The following ABI3BP variants were observed in gnomAD, a reference collection of about 807,000 sequenced individuals.
The protein encoded by ABI3BP is ABI family member 3 binding protein, also known as target of Nesh-SH3.
Under a neutral mutation model 268.6 loss-of-function variants are expected in ABI3BP, and 216 were observed. The ratio of observed to expected loss-of-function variants is 0.80; its 90% confidence interval spans 0.72 to 0.90. ABI3BP has a LOEUF of 0.90. Among genes scored for constraint, ABI3BP ranks in the 40% least tolerant of loss-of-function variants. The pLI is 0.00. For missense variants in ABI3BP, 2,090 were observed against 2,182.4 expected (o/e 0.96, Z 0.84); for synonymous variants, 730 against 730.0 (o/e 1.00, Z 0.00).
chr3:100,902,540 C>A, intron 3 of ABI3BP, 78 bp downstream of exon 3: 1 of 1,373,632 alleles, frequency 7.3e-7, no homozygotes, highest in South Asian at 1.3e-5. Context: ...GGCATTTGGT[C>A]TCCAGGGGTC....
chr3:100,812,143 G>A (rs901192204), intron 46 of ABI3BP, among the ~76,000 whole-genome samples: 1 of 151,998 alleles, frequency 6.6e-6, no homozygotes, highest in African/African-American at 2.4e-5. Context: ...AGTACTTGGA[G>A]AGCAAAAGCA....
At chr3:100,890,104 C>G (rs986669138) in intron 4 of ABI3BP, among the ~76,000 whole-genome samples, 1 of 152,074 alleles carries the variant, frequency 6.6e-6, no homozygotes, top group African/African-American at 2.4e-5. Context: ...AATTGAACAC[C>G]AAACTAAGCT....
intron 57 of ABI3BP, among the ~76,000 whole-genome samples, chr3:100,783,870 T>C (rs2096943844): frequency 6.6e-6 from 1 of 152,220 alleles, no homozygotes; most frequent in Non-Finnish European, 1.5e-5. Context: ...GCACAATCCC[T>C]TGGCCTGGTG....
chr3:100,952,761 A>C (rs1172289767), intron 1 of ABI3BP: 1 of 152,116 alleles, frequency 6.6e-6, no homozygotes, highest in Non-Finnish European at 1.5e-5. Flanking sequence ...ATTGTAAATA[A>C]GACACATTAA....
chr3:100,856,806 G>A (rs1009498131), intron 14 of ABI3BP, among the ~76,000 whole-genome samples: 5 of 152,078 alleles, frequency 3.3e-5, no homozygotes, highest in East Asian at 1.9e-4. Context: ...TTTAGAAGTC[G>A]TGCACACACC....
chr3:100,875,993 G>C (rs2099157882), intron 7 of ABI3BP, among the ~76,000 whole-genome samples: 1 of 152,114 alleles, frequency 6.6e-6, no homozygotes, highest in Non-Finnish European at 1.5e-5. Context: ...ATACACTTGG[G>C]ATGTTGTGTT....
chr3:100,893,743 T>G lies in ABI3BP; in HGVS notation c.461+5019A>C, dbSNP rs546915535. 5.3e-5 allele frequency among the ~76,000 whole-genome samples: 8 copies of G among 152,268 alleles called. No homozygotes were observed. The South Asian group carries it at 1.5e-3, about 28-fold the overall frequency. On this transcript the variant is annotated intron_variant, in intron 4 of 67. Transcript: ENST00000471714. Reference sequence around the variant, plus strand: ...TACATAACAGGATCAACAGAAGGCTTTGTTTTCAGGGAGAGAAACTTTGAG... The same window carrying G: ...TACATAACAGGATCAACAGAAGGCTGTGTTTTCAGGGAGAGAAACTTTGAG...
intron 1 of ABI3BP, among the ~76,000 whole-genome samples, chr3:100,968,720 G>A (rs1271198158): frequency 6.6e-6 from 1 of 151,946 alleles, no homozygotes; most frequent in Non-Finnish European, 1.5e-5. Context: ...TTTAAGTTCT[G>A]GGATATGTGC....
At position 100,842,059 on chromosome 3, in the gene ABI3BP, T is replaced by C. The variant is rs2098712907; in HGVS notation, c.1724-20A>G. On this transcript the variant is annotated intron_variant, in intron 20 of 67. Transcript: ENST00000471714. ...CTGGGGCTGTAATAAAAGCAAGTAA[T>C]ATCAAAAGCAATGCTGAAGAGCACC... 5 of 1,528,860 alleles carry C rather than the reference T, an allele frequency of 3.3e-6. No homozygotes were observed. The South Asian group carries it at 6.0e-5, about 18-fold the overall frequency. 94.7% of individuals were successfully genotyped at this position (1,528,860 alleles called of 1,614,324 possible). A position where few individuals can be genotyped will look rare whatever the true frequency, so the allele number is the denominator to read the frequency against.
At chr3:100,820,884 G>A (rs1472492723) in intron 39 of ABI3BP, among the ~76,000 whole-genome samples, 170 bp downstream of exon 39, 3 of 152,122 alleles carry the variant, frequency 2.0e-5, no homozygotes, top group South Asian at 4.1e-4. Flanking sequence ...AAAACAAAGG[G>A]TGATTTAAGA....
chr3:100,975,392 A>G (rs760596803), intron 1 of ABI3BP, among the ~76,000 whole-genome samples: 1 of 152,126 alleles, frequency 6.6e-6, no homozygotes. Context: ...CCCAGCTGTG[A>G]TCTAGCTGCC....
intron 61 of ABI3BP, among the ~76,000 whole-genome samples, chr3:100,774,324 T>C (rs929680170): frequency 6.6e-6 from 1 of 152,140 alleles, no homozygotes; most frequent in Non-Finnish European, 1.5e-5. Context: ...TGGGTCACTG[T>C]TGGTTGTTCA....
chr3:100,796,527 T>A, intron 51 of ABI3BP, 59 bp from the exon 52 acceptor site: 1 of 1,281,194 alleles, frequency 7.8e-7, no homozygotes, highest in Non-Finnish European at 1.1e-6. Flanking sequence ...GGAGTGAGCT[T>A]AACCCACAGA....
chr3:100,868,124 C>A (rs192872708), intron 9 of ABI3BP, among the ~76,000 whole-genome samples: 2 of 152,300 alleles, frequency 1.3e-5, no homozygotes, highest in East Asian at 3.9e-4. Flanking sequence ...ATCATGCCAC[C>A]TTGAGCTGAT....
At chr3:100,880,944 G>A (rs188071509) in intron 6 of ABI3BP, among the ~76,000 whole-genome samples, 56 of 151,992 alleles carry the variant, frequency 3.7e-4, no homozygotes, top group Non-Finnish European at 6.0e-4. Flanking sequence ...TTGGGTAGTG[G>A]TTAAAACAGT....
chr3:100,796,924 T>C (rs577467874), intron 51 of ABI3BP, among the ~76,000 whole-genome samples: 1 of 152,212 alleles, frequency 6.6e-6, no homozygotes, highest in East Asian at 1.9e-4. Context: ...TGGAAAAATC[T>C]TGAATATGTA....
chr3:100,901,959 A>G (rs1233126706), intron 3 of ABI3BP, among the ~76,000 whole-genome samples: 2 of 152,154 alleles, frequency 1.3e-5, no homozygotes, highest in Admixed American at 1.3e-4. Context: ...AGTTATGTAG[A>G]AAGTTTCTAC....
chr3:100,806,955 C>A (rs2152434666), intron 50 of ABI3BP, among the ~76,000 whole-genome samples: 1 of 152,208 alleles, frequency 6.6e-6, no homozygotes, highest in East Asian at 1.9e-4. Context: ...GATAAAACTG[C>A]AAATAAATTT....
chr3:100,985,447 C>T (rs2091418826), intron 1 of ABI3BP, among the ~76,000 whole-genome samples: 1 of 152,034 alleles, frequency 6.6e-6, no homozygotes, highest in Admixed American at 6.6e-5. Context: ...CCATGCCTGG[C>T]CAGAAAAGCA....
Sources: gnomAD v4.1 joint callset for allele counts (sites outside exome capture counted in the v4.1 genomes callset) on GRCh38, gnomAD v4.1.1 for gene constraint, MANE v1.5 for transcripts, NCBI Gene and HGNC (gene_info 2026-07-23, HGNC 2026-07-21) for gene names.